Variants in SLC8A1 observed in about 807,000 individuals in gnomAD.
SLC8A1 encodes solute carrier family 8 member A1.
Under a neutral mutation model 68.3 loss-of-function variants are expected in SLC8A1, and 18 were observed. The observed-to-expected ratio is 0.26, with a 90% CI of 0.18 to 0.39. SLC8A1 has a LOEUF of 0.39. Ranked by LOEUF, SLC8A1 falls within the 10% of genes least tolerant of loss-of-function variation. SLC8A1 has a pLI of 1.00. For missense variants in SLC8A1, 985 were observed against 1,156.7 expected (o/e 0.85, Z 2.15); for synonymous variants, 475 against 415.5 (o/e 1.14, Z -1.74).
At chr2:40,349,963 G>A (rs1300239991) in intron 2 of SLC8A1, among the ~76,000 whole-genome samples, 1 of 152,070 alleles carries the variant, frequency 6.6e-6, no homozygotes, top group African/African-American at 2.4e-5. Context: ...CAAATTAATG[G>A]AAAGTATTCA....
At chr2:40,289,893 A>T (rs916789473) in intron 2 of SLC8A1, among the ~76,000 whole-genome samples, 16 of 152,074 alleles carry the variant, frequency 1.1e-4, no homozygotes, top group Non-Finnish European at 1.9e-4. Context: ...AAATTAAATT[A>T]AAAAATAAGG....
intron 1 of SLC8A1, among the ~76,000 whole-genome samples, chr2:40,486,614 A>G (rs1214262096): frequency 2.0e-5 from 3 of 152,238 alleles, no homozygotes; most frequent in Non-Finnish European, 4.4e-5. Context: ...TAATATATCA[A>G]TGAATACAAG....
chr2:40,244,005 C>G (rs1223966164), intron 2 of SLC8A1, among the ~76,000 whole-genome samples: 1 of 151,790 alleles, frequency 6.6e-6, no homozygotes. Flanking sequence ...ACTGAGGGGT[C>G]TAGGGTCTGG....
chr2:40,147,598 T>C (rs1425524016), intron 6 of SLC8A1, among the ~76,000 whole-genome samples: 3 of 152,202 alleles, frequency 2.0e-5, no homozygotes, highest in African/African-American at 4.8e-5. Context: ...TTTGTAAATA[T>C]CACCAGCTGT....
At chr2:40,233,216 C>G (rs527505400) in intron 2 of SLC8A1, among the ~76,000 whole-genome samples, 15 of 152,288 alleles carry the variant, frequency 9.8e-5, no homozygotes, top group African/African-American at 3.4e-4. Context: ...GTCCCACCAA[C>G]AGTGTAAAAG....
intron 7 of SLC8A1, among the ~76,000 whole-genome samples, chr2:40,127,039 G>T (rs993753727): frequency 6.6e-6 from 1 of 152,072 alleles, no homozygotes; most frequent in African/African-American, 2.4e-5. Flanking sequence ...CTTTTTTAAT[G>T]ACTTTATGAA....
chr2:40,418,867 G>C (rs1049071632), intron 2 of SLC8A1, among the ~76,000 whole-genome samples: 2 of 152,100 alleles, frequency 1.3e-5, no homozygotes, highest in African/African-American at 4.8e-5. Context: ...TTTTCTTCTG[G>C]GGAAAAGCAG....
intron 2 of SLC8A1, among the ~76,000 whole-genome samples, chr2:40,219,725 T>C (rs149727904): frequency 9.7e-4 from 148 of 152,284 alleles, no homozygotes; most frequent in African/African-American, 3.4e-3. Context: ...TTTATAGCAA[T>C]AATGATTTTT....
intron 2 of SLC8A1, among the ~76,000 whole-genome samples, chr2:40,284,333 ATC>A (rs1020125341): frequency 1.2e-3 from 178 of 143,598 alleles, no homozygotes; most frequent in African/African-American, 4.2e-3. Context: ...ATATATATAG[ATC>A]TCTCTATATA....
upstream of SLC8A1, among the ~76,000 whole-genome samples, chr2:40,452,328 C>T (rs1325113629): frequency 1.3e-5 from 2 of 151,980 alleles, no homozygotes; most frequent in East Asian, 3.9e-4. Flanking sequence ...CGGCGCGTTT[C>T]TGGAGCACCG....
intron 7 of SLC8A1, chr2:40,118,203 G>C (rs1337993689): frequency 1.3e-5 from 2 of 152,192 alleles, no homozygotes; most frequent in East Asian, 3.8e-4. Context: ...CTCTTGGATA[G>C]GGTCTTAGCA....
chr2:40,424,162 G>C (rs979835844), intron 2 of SLC8A1, among the ~76,000 whole-genome samples: 3 of 151,794 alleles, frequency 2.0e-5, no homozygotes, highest in African/African-American at 7.2e-5. Flanking sequence ...AGCCTTTCTT[G>C]TCTTGTGATA....
intron 2 of SLC8A1, among the ~76,000 whole-genome samples, chr2:40,416,387 TA>T (rs1457031202): frequency 1.3e-5 from 2 of 152,354 alleles, no homozygotes; most frequent in African/African-American, 4.8e-5. Flanking sequence ...TATTTTTATA[TA>T]TTTGTTGTCT....
chr2:40,436,949 T>G (rs2149812053), intron 1 of SLC8A1, among the ~76,000 whole-genome samples: 1 of 152,290 alleles, frequency 6.6e-6, no homozygotes, highest in East Asian at 1.9e-4. Flanking sequence ...AGGGCACTGA[T>G]GGCAATAATG....
intron 2 of SLC8A1, among the ~76,000 whole-genome samples, chr2:40,234,829 A>G (rs1381384912): frequency 1.3e-5 from 2 of 152,148 alleles, no homozygotes; most frequent in Non-Finnish European, 2.9e-5. Context: ...AATTTTGTCA[A>G]AGGCTTTTTC....
intron 2 of SLC8A1, among the ~76,000 whole-genome samples, chr2:40,187,403 A>G (rs1161048204): frequency 3.9e-5 from 6 of 152,256 alleles, no homozygotes; most frequent in Non-Finnish European, 8.8e-5. Flanking sequence ...CCGTGCCCTG[A>G]TCTTTTGGTA....
intron 5 of SLC8A1, among the ~76,000 whole-genome samples, chr2:40,162,439 T>TG (rs2045846776): frequency 6.6e-6 from 1 of 152,188 alleles, no homozygotes; most frequent in Admixed American, 6.5e-5. Flanking sequence ...TCCCATCACC[T>TG]GGGAAATAAA....
intron 2 of SLC8A1, among the ~76,000 whole-genome samples, chr2:40,261,082 A>C (rs1035964187): frequency 6.6e-6 from 1 of 152,230 alleles, no homozygotes; most frequent in Non-Finnish European, 1.5e-5. Context: ...AGCCAGGTCA[A>C]AATGGCACTT....
chr2:40,265,088 T>G (rs1185291989), intron 2 of SLC8A1, among the ~76,000 whole-genome samples: 1 of 152,184 alleles, frequency 6.6e-6, no homozygotes, highest in Non-Finnish European at 1.5e-5. Context: ...CAAGTCATCT[T>G]CTCTTCACTG....
Sources: gnomAD v4.1 joint callset for allele counts (sites outside exome capture counted in the v4.1 genomes callset) on GRCh38, gnomAD v4.1.1 for gene constraint, MANE v1.5 for transcripts, NCBI Gene and HGNC (gene_info 2026-07-23, HGNC 2026-07-21) for gene names.